The following SMAD3 variants were observed in gnomAD, a reference collection of about 807,000 sequenced individuals.
The protein encoded by SMAD3 is MAD homolog 3.
In SMAD3, 12 loss-of-function variants were observed where a neutral mutation model predicts 51.8. The observed-to-expected ratio is 0.23, with a 90% CI of 0.15 to 0.38. SMAD3 has a LOEUF of 0.38. SMAD3 is among the 10% of genes least tolerant of loss of function. The pLI is 1.00. For synonymous variants in SMAD3, 238 were observed against 227.7 expected (o/e 1.05, Z -0.41); for missense variants, 294 against 565.6 (o/e 0.52, Z 4.87).
At position 67,158,337 on chromosome 15, in the gene SMAD3, A is replaced by G. The variant is rs189051627; in HGVS notation, c.207-6558A>G. Among the ~76,000 whole-genome samples, 7 of 152,316 alleles carry G rather than the reference A, an allele frequency of 4.6e-5. No homozygotes were observed. The East Asian group carries it at 1.4e-3, about 29-fold the overall frequency. The stretch of plus-strand genomic sequence containing the variant: ...AGTGGGGCAGAGGGAGAAAGAAAGA[A>G]CAATGCCAGGGCTCTGGGCAGCCCA... On this transcript the variant is annotated intron_variant, in intron 1 of 8. Transcript: ENST00000327367.
In SMAD3 at chr15:67,190,593, G is replaced by A. The variant is rs2140328202; in HGVS notation, c.*57G>A. The stretch of plus-strand genomic sequence containing the variant: ...TGGGGAAAATGGCCATGCAGGAGGT[G>A]GAGAAAATTGGAACTCTACTCAACC... On this transcript the variant is annotated 3_prime_UTR_variant, in exon 9 of 9. Transcript: ENST00000327367. 5 of 1,567,504 alleles carry A rather than the reference G, an allele frequency of 3.2e-6. No homozygotes were observed. Among genetic ancestry groups the A allele is most frequent in the South Asian group, 2.2e-5 (2 of 89,782 alleles).
intron 4 of SMAD3, among the ~76,000 whole-genome samples, chr15:67,170,349 T>A (rs1366693608): frequency 6.6e-6 from 1 of 152,182 alleles, no homozygotes; most frequent in African/African-American, 2.4e-5. Context: ...ATCCACTCAA[T>A]GCATTCATTC....
At chr15:67,082,909 ACAGTTTTTGCT>A (rs1362311013) in intron 1 of SMAD3, among the ~76,000 whole-genome samples, 2 of 152,144 alleles carry the variant, frequency 1.3e-5, no homozygotes, top group African/African-American at 4.8e-5. Flanking sequence ...TAAAAGAGTT[ACAGTTTTTGCT>A]CTGATTGTTT....
chr15:67,169,984 T>G (rs1350344422), intron 4 of SMAD3, among the ~76,000 whole-genome samples: 4 of 152,164 alleles, frequency 2.6e-5, no homozygotes, highest in Non-Finnish European at 5.9e-5. Flanking sequence ...GGTTGCTGAG[T>G]TGCAGGGTTT....
chr15:67,151,128 G>T (rs1340918898), intron 1 of SMAD3, among the ~76,000 whole-genome samples: 1 of 151,576 alleles, frequency 6.6e-6, no homozygotes, highest in African/African-American at 2.4e-5. Flanking sequence ...CAGAGTGCTG[G>T]GATTACAGAC....
At chr15:67,141,978 G>A (rs887169713) in intron 1 of SMAD3, among the ~76,000 whole-genome samples, 4 of 152,074 alleles carry the variant, frequency 2.6e-5, no homozygotes, top group Admixed American at 1.3e-4. Flanking sequence ...CCTGCTCTCC[G>A]AATTTAAATT....
rs1303477189 is a variant in SMAD3, at chr15:67,194,493, A to C, written c.*3957A>C. The C allele has an allele frequency of 1.3e-5, 3 of 233,064 alleles. No homozygotes were observed. The highest frequency in any genetic ancestry group is 6.6e-5 in the African/African-American group (3 of 45,332). 14.4% of individuals were successfully genotyped at this position (233,064 alleles called of 1,614,324 possible). ...TTGAGAAATTCTCAGTGATTCTGCA[A>C]TGGATTTTTTTTTAATGCAGAAGTA... On this transcript the variant is annotated 3_prime_UTR_variant, in exon 9 of 9. Coordinates refer to ENST00000327367, the MANE Select transcript of SMAD3 (RefSeq NM_005902.4).
chr15:67,065,811 G>A lies in SMAD3; in HGVS notation c.-344G>A. ...CCTTCCCGGAGGCGGCACCCAAACA[G>A]CTACCCCGTGCGGAAACCCAAACTT... On this transcript the variant is annotated 5_prime_UTR_variant, in exon 1 of 9. Transcript: ENST00000327367. The A allele has an allele frequency of 4.8e-6, 1 of 209,230 alleles. No individual in the cohort carries two copies. The highest frequency in any genetic ancestry group is 6.9e-5 in the East Asian group (1 of 14,470). The allele number at this position is 209,230 out of a possible 1,614,324, so 13.0% of individuals were successfully genotyped here.
intron 1 of SMAD3, chr15:67,142,751 A>G (rs1236862852): frequency 5.0e-6 from 2 of 398,302 alleles, no homozygotes; most frequent in Non-Finnish European, 1.0e-5. Context: ...CAGTGGAGAT[A>G]TATTGATCTC....
At chr15:67,070,864 C>T (rs544089593) in intron 1 of SMAD3, among the ~76,000 whole-genome samples, 2 of 152,186 alleles carry the variant, frequency 1.3e-5, no homozygotes, top group African/African-American at 4.8e-5. Context: ...GCTTTTATAT[C>T]TGCACCTGTC....
intron 1 of SMAD3, among the ~76,000 whole-genome samples, chr15:67,142,384 C>G (rs1320366807): frequency 2.0e-5 from 3 of 152,094 alleles, no homozygotes; most frequent in Non-Finnish European, 4.4e-5. Flanking sequence ...TGGCAATAAA[C>G]TAGGTCTTTC....
At chr15:67,073,244 A>G (rs1405349618) in intron 1 of SMAD3, among the ~76,000 whole-genome samples, 2 of 152,234 alleles carry the variant, frequency 1.3e-5, no homozygotes, top group South Asian at 2.1e-4. Flanking sequence ...TTGAGAAATA[A>G]ACAAATCTAT....
chr15:67,158,450 G>C (rs1355909173), intron 1 of SMAD3, among the ~76,000 whole-genome samples: 1 of 152,254 alleles, frequency 6.6e-6, no homozygotes, highest in Non-Finnish European at 1.5e-5. Flanking sequence ...GCATGGCACA[G>C]AGAAGCAGGG....
At chr15:67,067,083 CTT>C (rs1457256130) in intron 1 of SMAD3, among the ~76,000 whole-genome samples, 1 of 146,970 alleles carries the variant, frequency 6.8e-6, no homozygotes, top group Non-Finnish European at 1.5e-5. Flanking sequence ...CATCCCGACT[CTT>C]TTGCCCTTCT....
At chr15:67,108,716 A>T (rs1048587327) in intron 1 of SMAD3, among the ~76,000 whole-genome samples, 8 of 152,168 alleles carry the variant, frequency 5.3e-5, no homozygotes, top group African/African-American at 1.9e-4. Flanking sequence ...ACTCATCTGG[A>T]CCACAGCTCC....
chr15:67,166,426 A>C, intron 3 of SMAD3: 2 of 428,096 alleles, frequency 4.7e-6, no homozygotes, highest in South Asian at 2.2e-5. Flanking sequence ...AGAGGACAGA[A>C]AGGGGTGAGG....
intron 1 of SMAD3, among the ~76,000 whole-genome samples, chr15:67,144,381 T>C (rs1595926508): frequency 6.6e-6 from 1 of 152,244 alleles, no homozygotes; most frequent in East Asian, 1.9e-4. Flanking sequence ...AAAGGGAGGG[T>C]TGTTGATCTT....
At chr15:67,188,779 G>C (rs770095174) in intron 8 of SMAD3, among the ~76,000 whole-genome samples, 2 of 152,198 alleles carry the variant, frequency 1.3e-5, no homozygotes, top group Non-Finnish European at 2.9e-5. Flanking sequence ...TTCAATATTG[G>C]CCTTGGGCCA....
intron 1 of SMAD3, among the ~76,000 whole-genome samples, chr15:67,164,316 G>GAAAAAA (rs59880604): frequency 8.4e-5 from 7 of 83,640 alleles, no homozygotes; most frequent in Non-Finnish European, 1.1e-4. Flanking sequence ...CTCCGTCTCA[G>GAAAAAA]AAAAAAAAAA....
Sources: allele counts gnomAD v4.1 joint callset (sites outside exome capture counted in the v4.1 genomes callset), GRCh38; gene constraint gnomAD v4.1.1; transcripts MANE v1.5; gene names NCBI Gene and HGNC (gene_info 2026-07-23, HGNC 2026-07-21).